MGAT4B: variants seen among roughly 807,000 people sequenced by gnomAD.
MGAT4B encodes the protein N-acetylglucosaminyltransferase IVb.
Under a neutral mutation model 73.9 loss-of-function variants are expected in MGAT4B, and 38 were observed. That is an observed-to-expected ratio of 0.51 (90% confidence interval 0.40 to 0.67). MGAT4B has a LOEUF of 0.67. Ranked by LOEUF, MGAT4B falls within the 30% of genes least tolerant of loss-of-function variation. The probability of loss-of-function intolerance (pLI) is 0.00; values close to 1 mark genes in which losing one functional copy is unlikely to be tolerated. For synonymous variants in MGAT4B, 373 were observed against 313.5 expected, an observed-to-expected ratio of 1.19 and a Z score of -2.01; for missense variants, 686 against 735.2, an observed-to-expected ratio of 0.93 and a Z score of 0.77.
intron 8 of MGAT4B, 132 bp downstream of exon 8, chr5:179,799,822 T>C: frequency 8.2e-7 from 1 of 1,225,530 alleles, no homozygotes; most frequent in South Asian, 1.3e-5. Flanking sequence ...ACAGGCCAGG[T>C]GGGGCTGTAG....
At chr5:179,800,352 C>T in intron 6 of MGAT4B, 93 bp from the exon 7 acceptor site, 2 of 1,508,818 alleles carry the variant, frequency 1.3e-6, no homozygotes, top group Non-Finnish European at 1.8e-6. Context: ...TTCTGTCCCC[C>T]CACCCCCATG....
At chr5:179,798,860 G>A (rs944318936) in intron 11 of MGAT4B, 68 bp downstream of exon 11, 13 of 1,555,274 alleles carry the variant, frequency 8.4e-6, no homozygotes, top group East Asian at 2.3e-5. Flanking sequence ...ATAACTTGCC[G>A]GTGAAGCCTA....
At chr5:179,798,811 C>G in intron 11 of MGAT4B, 117 bp downstream of exon 11, 1 of 1,272,974 alleles carries the variant, frequency 7.9e-7, no homozygotes. Context: ...GCTACCATTA[C>G]GAGGCCCACT....
At chr5:179,803,309 G>A in intron 1 of MGAT4B, 1 of 978,780 alleles carries the variant, frequency 1.0e-6, no homozygotes, top group Non-Finnish European at 1.2e-6. Context: ...AGGGAAAGGG[G>A]AGTCAGATTA....
intron 1 of MGAT4B, among the ~76,000 whole-genome samples, chr5:179,805,866 G>C (rs980839359): frequency 6.6e-6 from 1 of 152,274 alleles, no homozygotes; most frequent in South Asian, 2.1e-4. Context: ...GCCTGCAAGA[G>C]CGCTGGGCGC....
intron 1 of MGAT4B, among the ~76,000 whole-genome samples, chr5:179,805,943 C>T (rs1456205206): frequency 6.6e-6 from 1 of 151,848 alleles, no homozygotes; most frequent in Non-Finnish European, 1.5e-5. Context: ...CGCACGGGAG[C>T]GCAGGGCAGC....
intron 1 of MGAT4B, chr5:179,803,732 C>G (rs2113439390): frequency 6.6e-6 from 1 of 152,566 alleles, no homozygotes; most frequent in Non-Finnish European, 1.5e-5. Flanking sequence ...GGGGCCTCCC[C>G]TCTCCCCCGG....
chr5:179,798,268 TAGA>T lies in MGAT4B; in HGVS notation c.1517_1519del (p.Phe506del). ...CACCTCTCCCTCTGCCACTCCCTTG[TAGA>T]AGGAGCCTGTGGGAGGGCAGTGGTG... On this transcript the variant is annotated inframe_deletion, in exon 14 of 15. Coordinates refer to ENST00000292591, the MANE Select transcript of MGAT4B (RefSeq NM_014275.5). 1 of 1,612,622 alleles carries T rather than the reference TAGA, an allele frequency of 6.2e-7. No individual in the cohort carries two copies. The highest frequency in any genetic ancestry group is 2.2e-5 in the East Asian group (1 of 44,854).
chr5:179,806,393 G>T lies in MGAT4B; in HGVS notation c.97+94C>A. ...CGGGCGGGGAAGGGGCGCCTGCGTCGGCTTCCGGCCGCCTTCCGCGGCCAC... is the reference window on the plus strand; with the variant it reads ...CGGGCGGGGAAGGGGCGCCTGCGTCTGCTTCCGGCCGCCTTCCGCGGCCAC... On this transcript the variant is annotated intron_variant, in intron 1 of 14. Coordinates refer to ENST00000292591, the MANE Select transcript of MGAT4B (RefSeq NM_014275.5). This position sits in a 1 kb window ranked among gnomAD's most constrained non-coding sequence, Gnocchi z 4.6. 4.1e-6 allele frequency: 3 copies of T among 729,462 alleles called. No homozygotes were observed. Among genetic ancestry groups the T allele is most frequent in the Non-Finnish European group, 3.5e-6 (2 of 574,932 alleles). The allele number at this position is 729,462 out of a possible 1,614,324, so 45.2% of individuals were successfully genotyped here.
Position 179,806,616 on chromosome 5 carries a change from C to G in MGAT4B, c.-33G>C. ...GGTGCGCGGCGGGCGCCCGCGGGGC[C>G]GAGGCTGCATGGCCCGGGGGACCGG... On this transcript the variant is annotated 5_prime_UTR_variant, in exon 1 of 15. Coordinates refer to ENST00000292591, the MANE Select transcript of MGAT4B (RefSeq NM_014275.5). The surrounding 1 kb of genome is among the most constrained non-coding windows in gnomAD (Gnocchi z 4.6). The G allele has an allele frequency of 1.7e-6, 2 of 1,181,300 alleles. No individual in the cohort carries two copies. The highest frequency in any genetic ancestry group is 6.5e-5 in the East Asian group (1 of 15,476). 73.2% of individuals were successfully genotyped at this position (1,181,300 alleles called of 1,614,324 possible).
chr5:179,802,323 C>G (rs1756982952), intron 1 of MGAT4B: 1 of 1,359,492 alleles, frequency 7.4e-7, no homozygotes, highest in Non-Finnish European at 9.4e-7. Context: ...CCGTTGGCCT[C>G]CAAAGCCCAC....
Position 179,806,428 on chromosome 5 carries a change from C to T in MGAT4B, c.97+59G>A. Reference sequence around the variant, plus strand: ...CGCCTTCCGCGGCCACCGCCGGGCCCGCTCCCGCCGCCGACGCCCAGGTGC... The same window carrying T: ...CGCCTTCCGCGGCCACCGCCGGGCCTGCTCCCGCCGCCGACGCCCAGGTGC... On this transcript the variant is annotated intron_variant, in intron 1 of 14. Coordinates refer to ENST00000292591, the MANE Select transcript of MGAT4B (RefSeq NM_014275.5). The surrounding 1 kb of genome is among the most constrained non-coding windows in gnomAD (Gnocchi z 4.6). 1 of 1,086,758 alleles carries T rather than the reference C, an allele frequency of 9.2e-7. No homozygotes were observed. The highest frequency in any genetic ancestry group is 1.1e-6 in the Non-Finnish European group (1 of 875,362). 67.3% of individuals were successfully genotyped at this position (1,086,758 alleles called of 1,614,324 possible).
Position 179,801,540 on chromosome 5 carries a change from G to A in MGAT4B, c.424+14C>T, listed in dbSNP as rs773078139. ...GTCCCCCCACCCCGTGCTCCTCCCT[G>A]TCTGCGCCCATACCTCCGGTGCGGC... On this transcript the variant is annotated intron_variant, in intron 3 of 14. Transcript: ENST00000292591. This position sits in a 1 kb window ranked among gnomAD's most constrained non-coding sequence, Gnocchi z 4.8. The A allele has an allele frequency of 4.4e-6, 7 of 1,607,490 alleles. No individual in the cohort carries two copies. In the Admixed American group the frequency reaches 1.0e-4, roughly 23 times the overall value.
At chr5:179,802,893 G>C in intron 1 of MGAT4B, 1 of 985,384 alleles carries the variant, frequency 1.0e-6, no homozygotes, top group Non-Finnish European at 1.2e-6. Context: ...GGCCTACAAG[G>C]CCTTCTGTTT....
Position 179,806,445 on chromosome 5 carries a change from C to CCCAGGTGCG in MGAT4B, c.97+33_97+41dup, listed in dbSNP as rs767181562. Reference sequence around the variant, plus strand: ...GCCGGGCCCGCTCCCGCCGCCGACGCCCAGGTGCGCCAGGTGCGGGCCGGG... The same window carrying CCCAGGTGCG: ...GCCGGGCCCGCTCCCGCCGCCGACGCCCAGGTGCGCCAGGTGCGCCAGGTGCGGGCCGGG... On this transcript the variant is annotated intron_variant, in intron 1 of 14. Coordinates refer to ENST00000292591, the MANE Select transcript of MGAT4B (RefSeq NM_014275.5). This position sits in a 1 kb window ranked among gnomAD's most constrained non-coding sequence, Gnocchi z 4.6. 1.5e-4 allele frequency: 173 copies of CCCAGGTGCG among 1,182,018 alleles called. No homozygotes were observed. The South Asian group carries it at 2.5e-3, about 17-fold the overall frequency. The allele number at this position is 1,182,018 out of a possible 1,614,324, so 73.2% of individuals were successfully genotyped here.
At chr5:179,805,086 C>CCT (rs1407146483) in intron 1 of MGAT4B, 2 of 152,254 alleles carry the variant, frequency 1.3e-5, no homozygotes, top group Non-Finnish European at 2.9e-5. Context: ...GGAGCCAGTG[C>CCT]CTCTCCCTCA....
rs996111054 is a variant in MGAT4B at position 179,798,158 on chromosome 5, G to C, written c.1623+7C>G. 1.9e-6 allele frequency: 3 copies of C among 1,591,702 alleles called. No homozygotes were observed. The highest frequency in any genetic ancestry group is 2.6e-6 in the Non-Finnish European group (3 of 1,168,734). ...CCCGTGCCTGGCCTGGCCCTGCCCA[G>C]CCTCACCTCGCTCAGAATCACCCAC... On this transcript the variant is annotated splice_region_variant and intron_variant, in intron 14 of 14. Transcript: ENST00000292591.
chr5:179,801,763 C>T lies in MGAT4B; in HGVS notation c.283+21G>A, dbSNP rs1020621336. Reference sequence around the variant, plus strand: ...CAACCAGCCCGCCCCCGCCTTTTCCCCCTCCCGCCCCAGACCTCACCTGTT... The same window carrying T: ...CAACCAGCCCGCCCCCGCCTTTTCCTCCTCCCGCCCCAGACCTCACCTGTT... On this transcript the variant is annotated intron_variant, in intron 2 of 14. Coordinates refer to ENST00000292591, the MANE Select transcript of MGAT4B (RefSeq NM_014275.5). This position sits in a 1 kb window ranked among gnomAD's most constrained non-coding sequence, Gnocchi z 4.8. 8.3e-6 allele frequency: 13 copies of T among 1,564,136 alleles called. No individual in the cohort carries two copies. Among genetic ancestry groups the T allele is most frequent in the Non-Finnish European group, 1.1e-5 (13 of 1,151,758 alleles).
At chr5:179,803,282 G>A in intron 1 of MGAT4B, 1 of 985,366 alleles carries the variant, frequency 1.0e-6, no homozygotes, top group Non-Finnish European at 1.2e-6. Flanking sequence ...CGGAGCCTCT[G>A]GACAGCCCCT....
Sources: gnomAD v4.1 joint callset for allele counts (sites outside exome capture counted in the v4.1 genomes callset) on GRCh38, gnomAD v4.1.1 for gene constraint, Gnocchi (gnomAD v3.1) non-coding constraint, MANE v1.5 for transcripts, NCBI Gene and HGNC (gene_info 2026-07-23, HGNC 2026-07-21) for gene names.